The following SLC5A5 variants were observed in gnomAD, a reference collection of about 807,000 sequenced individuals.
SLC5A5 encodes solute carrier family 5 member 5, also known as sodium/iodide cotransporter.
SLC5A5 carries 56 observed loss-of-function variants against 68.6 expected under a neutral mutation model. The observed-to-expected ratio is 0.82, with a 90% CI of 0.66 to 1.02. The LOEUF (loss-of-function observed/expected upper bound fraction) is 1.02, where lower values mean the gene tolerates loss of function less well. SLC5A5 is among the 50% of genes least tolerant of loss of function. The probability of loss-of-function intolerance (pLI) is 0.00; values close to 1 mark genes in which losing one functional copy is unlikely to be tolerated. For missense variants in SLC5A5, 807 were observed against 859.8 expected (o/e 0.94, Z 0.77); for synonymous variants, 398 against 373.0 (o/e 1.07, Z -0.77).
At chr19:17,887,860 C>A (rs1190198645) in intron 12 of SLC5A5, among the ~76,000 whole-genome samples, 1 of 152,124 alleles carries the variant, frequency 6.6e-6, no homozygotes, top group Admixed American at 6.6e-5. Context: ...CCCGCCTTGG[C>A]CTCCCAAAGT....
chr19:17,892,481 C>CA (rs1422034357), intron 14 of SLC5A5, among the ~76,000 whole-genome samples: 1 of 151,722 alleles, frequency 6.6e-6, no homozygotes, highest in Non-Finnish European at 1.5e-5. Flanking sequence ...ACTAAAAATA[C>CA]AAAAAATTAG....
chr19:17,886,849 G>A (rs553717163), intron 12 of SLC5A5, among the ~76,000 whole-genome samples: 23 of 152,212 alleles, frequency 1.5e-4, no homozygotes, highest in African/African-American at 5.5e-4. Flanking sequence ...TTGGAGAAAT[G>A]TCTATTCAAA....
chr19:17,875,662 C>T (rs571723620), intron 4 of SLC5A5, among the ~76,000 whole-genome samples: 2 of 148,808 alleles, frequency 1.3e-5, no homozygotes, highest in African/African-American at 2.5e-5. Context: ...GCTGTAGCTC[C>T]AGCTACTCCG....
chr19:17,894,993 G>A lies in SLC5A5; in HGVS notation c.*1116G>A, dbSNP rs1310748153. 1 of 152,104 alleles carries A rather than the reference G, an allele frequency of 6.6e-6. No homozygotes were observed. Among genetic ancestry groups the A allele is most frequent in the African/African-American group, 2.4e-5 (1 of 41,406 alleles). 9.4% of individuals were successfully genotyped at this position (152,104 alleles called of 1,614,324 possible). A position where few individuals can be genotyped will look rare whatever the true frequency, so the allele number is the denominator to read the frequency against. ...CACGTGAAGACAGAGGCAGTGGTTG[G>A]ATCAATGCATCTACGAGTCGGAGAA... On this transcript the variant is annotated 3_prime_UTR_variant, in exon 15 of 15. Coordinates refer to ENST00000222248, the MANE Select transcript of SLC5A5 (RefSeq NM_000453.3).
At chr19:17,875,284 C>T (rs1599910974) in intron 4 of SLC5A5, among the ~76,000 whole-genome samples, 1 of 151,942 alleles carries the variant, frequency 6.6e-6, no homozygotes, top group East Asian at 1.9e-4. Context: ...GCAGGAGAAT[C>T]GCTTGAACCC....
At position 17,872,029 on chromosome 19, in the gene SLC5A5, A is replaced by C; in HGVS notation, c.-291A>C. The C allele has an allele frequency of 2.2e-6, 1 of 463,958 alleles. No individual in the cohort carries two copies. The highest frequency in any genetic ancestry group is 3.9e-6 in the Non-Finnish European group (1 of 257,406). 28.7% of individuals were successfully genotyped at this position (463,958 alleles called of 1,614,324 possible). ...AGGGACAGACAGCCGGCTGCATGGG[A>C]CAGCGGAACCCAGAGTGAGAGGGGA... is the stretch of plus-strand genomic sequence containing the variant. On this transcript the variant is annotated 5_prime_UTR_variant, in exon 1 of 15. Transcript: ENST00000222248.
chr19:17,878,908 G>A (rs2094313864), intron 7 of SLC5A5, among the ~76,000 whole-genome samples: 1 of 147,134 alleles, frequency 6.8e-6, no homozygotes, highest in Non-Finnish European at 1.5e-5. Context: ...CCGGGAGGTG[G>A]AGGTTGCAGT....
chr19:17,889,001 C>CATCATACATACACA (rs1480540242), intron 13 of SLC5A5, among the ~76,000 whole-genome samples: 1,769 of 145,176 alleles, frequency 0.012, 32 homozygotes, highest in African/African-American at 0.047. Context: ...TACATACACA[C>CATCATACATACACA]TTTTATGTGT....
chr19:17,878,750 C>T (rs1254415206), intron 7 of SLC5A5, among the ~76,000 whole-genome samples: 1 of 151,804 alleles, frequency 6.6e-6, no homozygotes, highest in African/African-American at 2.4e-5. Context: ...CCGAGACAGG[C>T]AGATCACTTG....
In SLC5A5 at chr19:17,882,235, C is replaced by T. The variant is rs749875402; in HGVS notation, c.1242+16C>T. The T allele has an allele frequency of 6.2e-7, 1 of 1,605,022 alleles. No individual in the cohort carries two copies. ...TGTCCTTCAGGTGAGACCCCACCTG[C>T]CCCCTGCCCTGGTCTCCTGAGAGGT... On this transcript the variant is annotated intron_variant, in intron 10 of 14. Coordinates refer to ENST00000222248, the MANE Select transcript of SLC5A5 (RefSeq NM_000453.3).
chr19:17,882,166 G>T lies in SLC5A5; in HGVS notation c.1189G>T (p.Ala397Ser). ...CACTACAGCACTCATCTACGGATCGGCCTGTCTCACCGTGGCAGCCCTGTC... is the reference window on the plus strand; with the variant it reads ...CACTACAGCACTCATCTACGGATCGTCCTGTCTCACCGTGGCAGCCCTGTC... ...SKGLSLIYGS[A>S]CLTVAALSSL... is the part of the protein sequence containing the mutation. Residue 397 changes from alanine (A) to serine (S), a missense_variant, in exon 10 of 15, where the codon GCC becomes TCC. Coordinates refer to ENST00000222248, the MANE Select transcript of SLC5A5 (RefSeq NM_000453.3). The T allele has an allele frequency of 6.2e-7, 1 of 1,614,072 alleles. No homozygotes were observed. The highest frequency in any genetic ancestry group is 1.1e-5 in the South Asian group (1 of 91,080).
chr19:17,879,901 A>T (rs1401314670), intron 7 of SLC5A5, among the ~76,000 whole-genome samples: 6 of 145,460 alleles, frequency 4.1e-5, no homozygotes, highest in Non-Finnish European at 1.5e-5. Flanking sequence ...CCATCTTTAC[A>T]CAATTTTTTT....
At position 17,875,887 on chromosome 19, in the gene SLC5A5, G is replaced by A. The variant is rs2094305688; in HGVS notation, c.544-65G>A. The A allele has an allele frequency of 4.6e-6, 7 of 1,523,912 alleles. No individual in the cohort carries two copies. In the East Asian group the frequency reaches 1.1e-4, roughly 25 times the overall value. 94.4% of individuals were successfully genotyped at this position (1,523,912 alleles called of 1,614,324 possible). On this transcript the variant is annotated intron_variant, in intron 4 of 14. Coordinates refer to ENST00000222248, the MANE Select transcript of SLC5A5 (RefSeq NM_000453.3). ...GAGGCATAGAAGGGCATCAGTCCTAGGCACCACTGAAGGCCAGGTCCCCCA... is the reference window on the plus strand; with the variant it reads ...GAGGCATAGAAGGGCATCAGTCCTAAGCACCACTGAAGGCCAGGTCCCCCA...
intron 1 of SLC5A5, among the ~76,000 whole-genome samples, chr19:17,873,353 T>C (rs2094298954): frequency 2.0e-5 from 3 of 148,908 alleles, no homozygotes; most frequent in South Asian, 2.1e-4. Context: ...CCCAGCTACT[T>C]GGGAGGCTAA....
chr19:17,875,052 C>T (rs1467397074), intron 4 of SLC5A5, among the ~76,000 whole-genome samples: 1 of 151,866 alleles, frequency 6.6e-6, no homozygotes, highest in Non-Finnish European at 1.5e-5. Flanking sequence ...ACCTTGATGG[C>T]GATATTATCA....
chr19:17,883,311 G>A lies in SLC5A5; in HGVS notation c.1243-370G>A, dbSNP rs759123960. Among the ~76,000 whole-genome samples the A allele has an allele frequency of 1.5e-3, 185 of 127,232 alleles. 2 individuals carry two copies. Among genetic ancestry groups the A allele is most frequent in the Non-Finnish European group, 2.2e-3 (127 of 56,660 alleles). The allele number at this position is 127,232 out of a possible 152,430, so 83.5% of individuals were successfully genotyped here. On this transcript the variant is annotated intron_variant, in intron 10 of 14. Coordinates refer to ENST00000222248, the MANE Select transcript of SLC5A5 (RefSeq NM_000453.3). ...GGCTGGCTTGGGGTGGGGGAATTGG[G>A]AAGGGGGAGGTGGCGACAGAAAGGG...
At chr19:17,875,732 C>T (rs983894849) in intron 4 of SLC5A5, among the ~76,000 whole-genome samples, 1 of 150,790 alleles carries the variant, frequency 6.6e-6, no homozygotes, top group African/African-American at 2.4e-5. Flanking sequence ...GAGCTGTGAT[C>T]ACACCACTGC....
rs1445114096 is a variant in SLC5A5, at chr19:17,872,492, C to T, written c.173C>T (p.Pro58Leu). The change falls in exon 1 of 15, where the codon CCC (proline) becomes CTC (leucine). Residue 58 changes from proline (P) to leucine (L), a missense_variant. Physicochemically the swap from Pro to Leu is moderately conservative, Grantham distance 98. Transcript: ENST00000222248. ...GGGGGCCGGCGCCTGGCGGCCCTGCCCGTGGGCCTGTCGCTGTCTGCCAGC... is the reference window on the plus strand; with the variant it reads ...GGGGGCCGGCGCCTGGCGGCCCTGCTCGTGGGCCTGTCGCTGTCTGCCAGC... ...FTGGRRLAAL[P>L]VGLSLSASFM... The T allele has an allele frequency of 6.2e-7, 1 of 1,612,446 alleles. No individual in the cohort carries two copies.
chr19:17,894,136 T>TCC lies in SLC5A5; in HGVS notation c.*260_*261insCC. On this transcript the variant is annotated 3_prime_UTR_variant, in exon 15 of 15. Transcript: ENST00000222248. ...CCCCCCAAATAAGGCTGGGTTTTTC[T>TCC]CTCTCTCTTTTTTTTTTTTTTTTTT... The TCC allele has an allele frequency of 2.4e-6, 1 of 420,218 alleles. No individual in the cohort carries two copies. The highest frequency in any genetic ancestry group is 4.3e-6 in the Non-Finnish European group (1 of 234,688). 26.0% of individuals were successfully genotyped at this position (420,218 alleles called of 1,614,324 possible).
Sources: allele counts gnomAD v4.1 joint callset (sites outside exome capture counted in the v4.1 genomes callset), GRCh38; gene constraint gnomAD v4.1.1; transcripts MANE v1.5; gene names NCBI Gene and HGNC (gene_info 2026-07-23, HGNC 2026-07-21).